Variants in HEPH observed in about 807,000 individuals in gnomAD.
The protein encoded by HEPH is hephaestin.
In HEPH, 69 loss-of-function variants were observed where a neutral mutation model predicts 80.8. The ratio of observed to expected loss-of-function variants is 0.85; its 90% CI spans 0.70 to 1.04. The LOEUF is 1.04. Ranked by LOEUF, HEPH falls within the 50% of genes least tolerant of loss-of-function variation. The pLI is 0.00. For missense variants in HEPH, 1,115 were observed against 891.3 expected, an observed-to-expected ratio of 1.25 and a Z score of -3.20; for synonymous variants, 431 against 322.8, an observed-to-expected ratio of 1.34 and a Z score of -3.60.
intron 5 of HEPH, among the ~76,000 whole-genome samples, chrX:66,189,178 C>CG (rs2087659539): frequency 8.9e-6 from 1 of 112,176 alleles, no homozygotes; most frequent in East Asian, 2.8e-4. Flanking sequence ...AAAAACCATA[C>CG]AGTCCCCAAA....
intron 15 of HEPH, among the ~76,000 whole-genome samples, chrX:66,213,544 A>G (rs757385772): frequency 2.7e-5 from 3 of 112,156 alleles, no homozygotes; most frequent in African/African-American, 9.7e-5. Context: ...AATTTTTACT[A>G]TGTATTTTTA....
chrX:66,241,488 C>T (rs2090579257), intron 15 of HEPH, among the ~76,000 whole-genome samples: 1 of 111,150 alleles, frequency 9.0e-6, no homozygotes, highest in African/African-American at 3.3e-5. Flanking sequence ...GACTTTAAAC[C>T]AACAACAATC....
At chrX:66,235,787 C>G (rs937536518) in intron 15 of HEPH, among the ~76,000 whole-genome samples, 30 of 111,646 alleles carry the variant, frequency 2.7e-4, no homozygotes, top group African/African-American at 9.1e-4. Flanking sequence ...TTGCTTTGGA[C>G]TGTATGGCCA....
At chrX:66,265,601 G>C (rs1014316502) in intron 20 of HEPH, among the ~76,000 whole-genome samples, 2 of 110,935 alleles carry the variant, frequency 1.8e-5, no homozygotes, top group Non-Finnish European at 3.8e-5. Flanking sequence ...AAAACATAGA[G>C]GAAAGAACAA....
At chrX:66,177,043 G>GC (rs2086840352) in intron 4 of HEPH, among the ~76,000 whole-genome samples, 2 of 111,254 alleles carry the variant, frequency 1.8e-5, no homozygotes, top group African/African-American at 6.6e-5. Context: ...CTACAGAATG[G>GC]AAGAAAATTT....
intron 15 of HEPH, among the ~76,000 whole-genome samples, chrX:66,244,575 AT>A (rs199625033): frequency 3.6e-5 from 4 of 111,230 alleles, no homozygotes; most frequent in African/African-American, 1.3e-4. Context: ...TATCCCTTAG[AT>A]TTTTTTAAAT....
At chrX:66,197,650 A>G (rs762132205) in intron 9 of HEPH, 33 bp from the exon 10 acceptor site, 3 of 1,106,366 alleles carry the variant, frequency 2.7e-6, no homozygotes, top group South Asian at 3.7e-5. Context: ...ATTCTAGTCA[A>G]TCTAAGTAAT....
chrX:66,263,114 G>A (rs997332356), intron 19 of HEPH, among the ~76,000 whole-genome samples: 2 of 111,514 alleles, frequency 1.8e-5, no homozygotes, highest in South Asian at 7.6e-4. Flanking sequence ...AGAAATGATT[G>A]TAGTTCTAGC....
chrX:66,210,602 A>C (rs1225580112), intron 15 of HEPH, among the ~76,000 whole-genome samples: 1 of 111,334 alleles, frequency 9.0e-6, no homozygotes, highest in Non-Finnish European at 1.9e-5. Flanking sequence ...ATAATCAATA[A>C]ATGACCATTA....
intron 15 of HEPH, among the ~76,000 whole-genome samples, chrX:66,210,962 G>T (rs2089080441): frequency 1.8e-5 from 2 of 111,208 alleles, no homozygotes; most frequent in Non-Finnish European, 3.8e-5. Context: ...AATATGAGAT[G>T]CCATAAAACA....
intron 15 of HEPH, among the ~76,000 whole-genome samples, chrX:66,236,461 A>G (rs2148050103): frequency 8.9e-6 from 1 of 111,885 alleles, no homozygotes; most frequent in African/African-American, 3.2e-5. Flanking sequence ...CCAGGGATAA[A>G]GCCAATTTTA....
rs192668858 is a variant in HEPH at position 66,234,929 on chromosome X, G to T, written c.2564-20106G>T. 9.2e-3 allele frequency among the ~76,000 whole-genome samples: 1,011 copies of T among 110,060 alleles called. 15 individuals carry two copies. Among genetic ancestry groups the T allele is most frequent in the African/African-American group, 0.031 (939 of 30,269 alleles). The stretch of plus-strand genomic sequence containing the variant: ...CTCCTAAAAAGCTGGGATTACAGGC[G>T]TGAACCACCACACCTGGCCATTGAG... On this transcript the variant is annotated intron_variant, in intron 15 of 20. Coordinates refer to ENST00000343002, the MANE Select transcript of HEPH (RefSeq NM_001367233.3).
chrX:66,226,208 A>G (rs1293643697), intron 15 of HEPH, among the ~76,000 whole-genome samples: 2 of 112,251 alleles, frequency 1.8e-5, no homozygotes, highest in Non-Finnish European at 3.8e-5. Flanking sequence ...CTGTCTGCTT[A>G]TGGAATTCAT....
At position 66,170,556 on chromosome X, in the gene HEPH, A is replaced by G. The variant is rs1042119354; in HGVS notation, c.-13-2A>G. ...AGCAGTTTTTATTTGCCTGTTTCCC[A>G]GAGTAATGTGGGCCATGGAGTCAGG... On this transcript the variant is annotated splice_acceptor_variant, in intron 1 of 20. Transcript: ENST00000343002. LOFTEE classifies it low-confidence loss of function (5UTR_SPLICE). 1 of 1,204,243 alleles carries G rather than the reference A, an allele frequency of 8.3e-7. No individual in the cohort carries two copies. The highest frequency in any genetic ancestry group is 1.7e-5 in the African/African-American group (1 of 57,491).
At chrX:66,215,487 T>G (rs2147896450) in intron 15 of HEPH, among the ~76,000 whole-genome samples, 1 of 112,120 alleles carries the variant, frequency 8.9e-6, no homozygotes, top group South Asian at 3.7e-4. Context: ...CTCTTTGCTA[T>G]GATTCCTTTT....
chrX:66,265,561 A>G (rs1416815586), intron 20 of HEPH, among the ~76,000 whole-genome samples: 1 of 111,282 alleles, frequency 9.0e-6, no homozygotes, highest in African/African-American at 3.3e-5. Context: ...CAATAAGTTA[A>G]TTATGGGGGT....
intron 15 of HEPH, among the ~76,000 whole-genome samples, chrX:66,241,085 G>A (rs932034103): frequency 1.8e-5 from 2 of 111,839 alleles, no homozygotes; most frequent in African/African-American, 6.5e-5. Context: ...CACCACACCT[G>A]TCTCACAAGA....
chrX:66,198,565 C>G (rs1362212692), intron 10 of HEPH, among the ~76,000 whole-genome samples: 1 of 110,818 alleles, frequency 9.0e-6, no homozygotes, highest in African/African-American at 3.3e-5. Context: ...TCCCCTCATT[C>G]CTCTCCCCAG....
At chrX:66,225,887 G>T (rs1194053227) in intron 15 of HEPH, among the ~76,000 whole-genome samples, 2 of 112,495 alleles carry the variant, frequency 1.8e-5, no homozygotes, top group Non-Finnish European at 3.8e-5. Flanking sequence ...CTGAGTTAAA[G>T]AAGGAAGGGT....
Sources: gnomAD v4.1 joint callset for allele counts (sites outside exome capture counted in the v4.1 genomes callset) on GRCh38, gnomAD v4.1.1 for gene constraint, MANE v1.5 for transcripts, NCBI Gene and HGNC (gene_info 2026-07-23, HGNC 2026-07-21) for gene names.